Variants in BAZ2B observed in about 807,000 individuals in gnomAD.
BAZ2B encodes the protein bromodomain adjacent to zinc finger domain 2B, also known as bromodomain adjacent to zinc finger domain protein 2B.
BAZ2B carries 91 observed loss-of-function variants against 246.0 expected under a neutral mutation model. The ratio of observed to expected loss-of-function variants is 0.37; its 90% CI spans 0.31 to 0.44. The LOEUF (loss-of-function observed/expected upper bound fraction) is 0.44. BAZ2B is among the 20% of genes least tolerant of loss of function. The probability of loss-of-function intolerance (pLI) is 1.00; values close to 1 mark genes in which losing one functional copy is unlikely to be tolerated. For synonymous variants in BAZ2B, 855 were observed against 860.0 expected (o/e 0.99, Z 0.10); for missense variants, 2,332 against 2,533.7 (o/e 0.92, Z 1.71).
intron 2 of BAZ2B, among the ~76,000 whole-genome samples, chr2:159,544,992 G>A (rs570848394): frequency 5.9e-5 from 9 of 152,324 alleles, no homozygotes; most frequent in Admixed American, 3.9e-4. Flanking sequence ...GAATTCTGCT[G>A]TGGCAACATT....
At chr2:159,530,838 C>T (rs138269295) in intron 2 of BAZ2B, among the ~76,000 whole-genome samples, 2,813 of 151,974 alleles carry the variant, frequency 0.019, 36 homozygotes, top group South Asian at 0.059. Flanking sequence ...GGCATGGTGC[C>T]GCATGCCTGT....
intron 2 of BAZ2B, among the ~76,000 whole-genome samples, chr2:159,539,602 T>G (rs1362790409): frequency 6.6e-6 from 1 of 152,216 alleles, no homozygotes; most frequent in African/African-American, 2.4e-5. Context: ...CTAGCCATGG[T>G]GGCTCATGCC....
chr2:159,479,204 C>A (rs749448643), intron 2 of BAZ2B, among the ~76,000 whole-genome samples: 7 of 152,114 alleles, frequency 4.6e-5, no homozygotes, highest in African/African-American at 7.2e-5. Flanking sequence ...GGGAATCCCC[C>A]CCATACCCCT....
intron 27 of BAZ2B, among the ~76,000 whole-genome samples, chr2:159,352,794 T>C (rs2058698818): frequency 2.0e-5 from 3 of 152,198 alleles, no homozygotes; most frequent in South Asian, 2.1e-4. Context: ...TCAATGTCTG[T>C]ATCTTGCTAT....
chr2:159,389,901 CT>C, intron 20 of BAZ2B, among the ~76,000 whole-genome samples: 2 of 151,720 alleles, frequency 1.3e-5, no homozygotes, highest in Non-Finnish European at 2.9e-5. Context: ...AAGACAGCAC[CT>C]GTGAGGAAAG....
chr2:159,389,230 T>C (rs1176049701), intron 21 of BAZ2B, 115 bp downstream of exon 21: 1 of 1,111,340 alleles, frequency 9.0e-7, no homozygotes, highest in Non-Finnish European at 1.2e-6. Flanking sequence ...GGAAATTCAC[T>C]GCTATAGTTA....
intron 27 of BAZ2B, among the ~76,000 whole-genome samples, chr2:159,363,298 GTGT>G: frequency 6.6e-6 from 1 of 152,282 alleles, no homozygotes; most frequent in East Asian, 1.9e-4. Context: ...TCCACAGATA[GTGT>G]AGTTACTCTA....
At chr2:159,507,208 C>T (rs2082422577) in intron 2 of BAZ2B, among the ~76,000 whole-genome samples, 1 of 151,910 alleles carries the variant, frequency 6.6e-6, no homozygotes, top group East Asian at 1.9e-4. Context: ...GTTTTGAGAA[C>T]AAAAAACTTG....
chr2:159,551,273 T>C (rs975077727), intron 2 of BAZ2B, among the ~76,000 whole-genome samples: 2 of 151,974 alleles, frequency 1.3e-5, no homozygotes, highest in African/African-American at 2.4e-5. Flanking sequence ...ATCAAAACCA[T>C]CCTGGCTAAC....
chr2:159,505,643 T>C lies in BAZ2B; in HGVS notation c.-2-26922A>G, dbSNP rs1335882042. Among the ~76,000 whole-genome samples the C allele has an allele frequency of 7.9e-5, 12 of 152,064 alleles. No individual in the cohort carries two copies. In the South Asian group the frequency reaches 2.5e-3, roughly 32 times the overall value. On this transcript the variant is annotated intron_variant, in intron 2 of 36. Transcript: ENST00000392783. ...TAAAAAGAAAGAAAATATCTGCTAA[T>C]ATAAGGGAATGGGAAAATATCTGCT...
In BAZ2B at chr2:159,328,764, A is replaced by G. The variant is rs114246948; in HGVS notation, c.5944-2846T>C. Among the ~76,000 whole-genome samples, 399 of 152,222 alleles carry G rather than the reference A, an allele frequency of 2.6e-3. 2 individuals carry two copies. Among genetic ancestry groups the G allele is most frequent in the African/African-American group, 9.1e-3 (380 of 41,536 alleles). ...TATGTGTGTGTGTATCTAAGAGTGT[A>G]TATTCATATAAGTGGCCCTCCATAT... On this transcript the variant is annotated intron_variant, in intron 34 of 36. Coordinates refer to ENST00000392783, the MANE Select transcript of BAZ2B (RefSeq NM_013450.4).
At chr2:159,471,769 A>G (rs2077833421) in intron 3 of BAZ2B, among the ~76,000 whole-genome samples, 1 of 152,146 alleles carries the variant, frequency 6.6e-6, no homozygotes, top group Non-Finnish European at 1.5e-5. Flanking sequence ...AAACCAATAG[A>G]TATTTGCTAT....
At chr2:159,413,401 A>C (rs2067129282) in intron 13 of BAZ2B, among the ~76,000 whole-genome samples, 1 of 152,220 alleles carries the variant, frequency 6.6e-6, no homozygotes, top group African/African-American at 2.4e-5. Context: ...TTATTTAAAT[A>C]GACAAACTGG....
chr2:159,329,566 T>C (rs1250578961), intron 34 of BAZ2B, among the ~76,000 whole-genome samples: 1 of 152,062 alleles, frequency 6.6e-6, no homozygotes, highest in Non-Finnish European at 1.5e-5. Flanking sequence ...GTAAAAACAG[T>C]TAATCAGGAT....
intron 1 of BAZ2B, among the ~76,000 whole-genome samples, chr2:159,587,160 G>C (rs977167121): frequency 1.3e-5 from 2 of 151,294 alleles, no homozygotes. Context: ...CTCACTGCAA[G>C]CTCCACCTCC....
At position 159,490,614 on chromosome 2, in the gene BAZ2B, C is replaced by G. The variant is rs142889736; in HGVS notation, c.-2-11893G>C. On this transcript the variant is annotated intron_variant, in intron 2 of 36. Transcript: ENST00000392783. ...TTACTGACTGCAGCCTCGATCTTCC[C>G]TGCTCAAGCAGTCCTCCCACCTGAG... 6.6e-3 allele frequency among the ~76,000 whole-genome samples: 1,008 copies of G among 152,254 alleles called. 8 individuals are homozygous for G. The highest frequency in any genetic ancestry group is 0.023 in the African/African-American group (960 of 41,542).
At chr2:159,498,707 C>A (rs2081406050) in intron 2 of BAZ2B, among the ~76,000 whole-genome samples, 3 of 152,030 alleles carry the variant, frequency 2.0e-5, no homozygotes. Context: ...TATTATAATT[C>A]CCCCTACCAT....
intron 13 of BAZ2B, among the ~76,000 whole-genome samples, chr2:159,426,155 A>G (rs2069812321): frequency 6.6e-6 from 1 of 152,232 alleles, no homozygotes; most frequent in Admixed American, 6.5e-5. Flanking sequence ...TGATCTCAAC[A>G]AGACAGTATG....
At chr2:159,547,365 A>C (rs1325506658) in intron 2 of BAZ2B, among the ~76,000 whole-genome samples, 1 of 152,172 alleles carries the variant, frequency 6.6e-6, no homozygotes, top group Non-Finnish European at 1.5e-5. Context: ...GATGCTATAC[A>C]ACAAAAAAAA....
Sources: allele counts gnomAD v4.1 joint callset (sites outside exome capture counted in the v4.1 genomes callset), GRCh38; gene constraint gnomAD v4.1.1; transcripts MANE v1.5; gene names NCBI Gene and HGNC (gene_info 2026-07-23, HGNC 2026-07-21).